The following WAPL variants were observed in gnomAD, a reference collection of about 807,000 sequenced individuals.
WAPL encodes wings apart-like protein homolog.
In WAPL, 5 loss-of-function variants were observed where a neutral mutation model predicts 121.0. The ratio of observed to expected loss-of-function variants is 0.04; its 90% CI spans 0.02 to 0.09. WAPL has a LOEUF of 0.09. Among genes scored for constraint, WAPL ranks in the 10% least tolerant of loss-of-function variants. The pLI, the probability that WAPL is intolerant of heterozygous loss-of-function variation, is 1.00. For missense variants in WAPL, 999 were observed against 1,410.8 expected, an observed-to-expected ratio of 0.71 and a Z score of 4.68; for synonymous variants, 480 against 481.5, an observed-to-expected ratio of 1.00 and a Z score of 0.04.
At chr10:86,515,193 G>A (rs1386153401) in intron 2 of WAPL, among the ~76,000 whole-genome samples, 3 of 151,700 alleles carry the variant, frequency 2.0e-5, no homozygotes, top group South Asian at 2.1e-4. Flanking sequence ...CCCGAGAGGC[G>A]GAGGTTGCAG....
At chr10:86,454,790 G>A (rs1166486952) in intron 12 of WAPL, among the ~76,000 whole-genome samples, 1 of 151,890 alleles carries the variant, frequency 6.6e-6, no homozygotes, top group East Asian at 2.0e-4. Context: ...GAAGTGACGA[G>A]CGTCTCTGCC....
At chr10:86,471,125 TA>T (rs1564572106) in intron 7 of WAPL, 22 bp from the exon 8 acceptor site, 8 of 1,604,398 alleles carry the variant, frequency 5.0e-6, no homozygotes, top group African/African-American at 1.3e-5. Context: ...TAGAGCAGGT[TA>T]GGGGGGCTGG....
chr10:86,517,465 A>AT, intron 2 of WAPL, 106 bp downstream of exon 2: 2 of 1,407,836 alleles, frequency 1.4e-6, no homozygotes, highest in Non-Finnish European at 1.9e-6. Context: ...CCCATGTATC[A>AT]TAAGTGCAGA....
intron 9 of WAPL, among the ~76,000 whole-genome samples, chr10:86,462,913 A>C (rs1841319862): frequency 6.6e-6 from 1 of 152,182 alleles, no homozygotes; most frequent in Non-Finnish European, 1.5e-5. Context: ...TTCTTTGTTT[A>C]GAAGAAAGGT....
At chr10:86,501,090 C>A in intron 2 of WAPL, among the ~76,000 whole-genome samples, 1 of 152,114 alleles carries the variant, frequency 6.6e-6, no homozygotes, top group East Asian at 1.9e-4. Flanking sequence ...AATAAAGATG[C>A]TTAAATTAAA....
At chr10:86,445,266 A>G (rs1849579539) in intron 16 of WAPL, among the ~76,000 whole-genome samples, 1 of 152,166 alleles carries the variant, frequency 6.6e-6, no homozygotes. Flanking sequence ...ATGTTATGTA[A>G]ATAGCTGTTA....
intron 2 of WAPL, among the ~76,000 whole-genome samples, chr10:86,501,679 T>C (rs927869998): frequency 2.0e-5 from 3 of 152,200 alleles, no homozygotes; most frequent in Non-Finnish European, 4.4e-5. Context: ...TTCTACCCAA[T>C]AGGTTTTCCT....
chr10:86,464,997 T>G (rs1841366486), intron 9 of WAPL, among the ~76,000 whole-genome samples: 1 of 152,210 alleles, frequency 6.6e-6, no homozygotes, highest in Admixed American at 6.5e-5. Flanking sequence ...TCTTGCTGTT[T>G]AAAGTTAAAT....
At chr10:86,473,415 A>G (rs1052170706) in intron 5 of WAPL, among the ~76,000 whole-genome samples, 1 of 152,210 alleles carries the variant, frequency 6.6e-6, no homozygotes, top group Non-Finnish European at 1.5e-5. Context: ...TCTGGAGAAA[A>G]TAAGTTGCTA....
intron 2 of WAPL, among the ~76,000 whole-genome samples, chr10:86,506,545 C>A (rs1032397235): frequency 4.6e-5 from 7 of 152,172 alleles, no homozygotes; most frequent in Non-Finnish European, 8.8e-5. Context: ...GTGGGAGGGG[C>A]GGCAGGCCAA....
chr10:86,451,565 G>T (rs1458836808), intron 15 of WAPL, among the ~76,000 whole-genome samples: 2 of 151,722 alleles, frequency 1.3e-5, no homozygotes, highest in Non-Finnish European at 2.9e-5. Context: ...GCTAACTTTT[G>T]TATTTTTAGT....
At chr10:86,466,295 G>A (rs1841393692) in intron 9 of WAPL, among the ~76,000 whole-genome samples, 1 of 152,308 alleles carries the variant, frequency 6.6e-6, no homozygotes, top group Admixed American at 6.5e-5. Context: ...AGTTATGGCG[G>A]GGGTGGTGGC....
intron 2 of WAPL, among the ~76,000 whole-genome samples, chr10:86,504,419 G>A (rs1316083967): frequency 6.6e-6 from 1 of 150,962 alleles, no homozygotes; most frequent in African/African-American, 2.4e-5. Context: ...GCTCACGCCT[G>A]TAATCCCAGC....
In WAPL at chr10:86,505,433, C is replaced by G. The variant is rs80297395; in HGVS notation, c.500-4690G>C. On this transcript the variant is annotated intron_variant, in intron 2 of 18. Coordinates refer to ENST00000298767, the MANE Select transcript of WAPL (RefSeq NM_015045.5). ...TCCTGAGTAGCTGGGACTACAGGCG[C>G]GAGTCACCATTCCCAGCTAATTTTT... Among the ~76,000 whole-genome samples, 46 of 149,014 alleles carry G rather than the reference C, an allele frequency of 3.1e-4. 1 individual carries two copies. In the East Asian group the frequency reaches 8.9e-3, roughly 29 times the overall value.
In WAPL at chr10:86,517,551, T is replaced by G; in HGVS notation, c.499+20A>C. 1 of 1,582,604 alleles carries G rather than the reference T, an allele frequency of 6.3e-7. No homozygotes were observed. Among genetic ancestry groups the G allele is most frequent in the African/African-American group, 1.4e-5 (1 of 73,754 alleles). On this transcript the variant is annotated intron_variant, in intron 2 of 18. Coordinates refer to ENST00000298767, the MANE Select transcript of WAPL (RefSeq NM_015045.5). ...TGCACAAAGCTCTCTTGGCGGAGAA[T>G]AAAGAAAATCAAAACTTACCTGAAG...
chr10:86,437,193 T>C lies in WAPL; in HGVS notation c.*350A>G, dbSNP rs767644905. On this transcript the variant is annotated 3_prime_UTR_variant, in exon 19 of 19. Transcript: ENST00000298767. ...AACAGTGGCTCAACATACACAGCAG[T>C]TGCACTAACAGCAGCACAAATTTTC... is the stretch of plus-strand genomic sequence containing the variant. 9.7e-6 allele frequency: 2 copies of C among 206,304 alleles called. No homozygotes were observed. The highest frequency in any genetic ancestry group is 5.8e-5 in the Admixed American group (1 of 17,122). 12.8% of individuals were successfully genotyped at this position (206,304 alleles called of 1,614,324 possible).
chr10:86,504,627 C>G (rs972564507), intron 2 of WAPL, among the ~76,000 whole-genome samples: 15 of 150,096 alleles, frequency 1.0e-4, no homozygotes, highest in African/African-American at 3.7e-4. Context: ...CAGTGAGCCC[C>G]GTCGACAGAG....
intron 16 of WAPL, chr10:86,443,649 C>A: frequency 1.2e-5 from 4 of 337,126 alleles, no homozygotes; most frequent in East Asian, 5.4e-5. Context: ...ATTTGCAAAT[C>A]ATGAACTTGA....
At chr10:86,474,096 G>A (rs1269668107) in intron 4 of WAPL, 123 bp from the exon 5 acceptor site, 14 of 733,008 alleles carry the variant, frequency 1.9e-5, no homozygotes, top group Non-Finnish European at 4.6e-6. Flanking sequence ...TACTATCTGG[G>A]AACAGTCCCA....
Sources: allele counts gnomAD v4.1 joint callset (sites outside exome capture counted in the v4.1 genomes callset), GRCh38; gene constraint gnomAD v4.1.1; transcripts MANE v1.5; gene names NCBI Gene and HGNC (gene_info 2026-07-23, HGNC 2026-07-21).